Variants in RASEF observed in about 807,000 individuals in gnomAD.
The protein encoded by RASEF is RAS and EF-hand domain containing, also known as ras and EF-hand domain-containing protein.
Under a neutral mutation model 90.1 loss-of-function variants are expected in RASEF, and 68 were observed. The ratio of observed to expected loss-of-function variants is 0.75; its 90% CI spans 0.62 to 0.92. The LOEUF is 0.92. RASEF is among the 40% of genes least tolerant of loss of function. The pLI, the probability that RASEF is intolerant of heterozygous loss-of-function variation, is 0.00. For missense variants in RASEF, 949 were observed against 937.2 expected (o/e 1.01, Z -0.16); for synonymous variants, 331 against 345.2 (o/e 0.96, Z 0.46).
chr9:83,006,403 C>A (rs1829131953), intron 7 of RASEF, among the ~76,000 whole-genome samples: 1 of 151,716 alleles, frequency 6.6e-6, no homozygotes, highest in Non-Finnish European at 1.5e-5. Context: ...GAGGTGCTGA[C>A]AAATCTGTTG....
chr9:83,112,963 T>A, the RASEF span, among the ~76,000 whole-genome samples: 1 of 152,300 alleles, frequency 6.6e-6, no homozygotes, highest in Middle Eastern at 3.4e-3. Context: ...GATTCTAATT[T>A]AAAAAATTGT....
At chr9:82,987,323 T>A (rs1280374928) in intron 16 of RASEF, among the ~76,000 whole-genome samples, 1 of 152,194 alleles carries the variant, frequency 6.6e-6, no homozygotes, top group Non-Finnish European at 1.5e-5. Context: ...CAGGCCATAA[T>A]GCAATAACAA....
At chr9:83,118,328 A>C in the RASEF span, among the ~76,000 whole-genome samples, 72 of 152,300 alleles carry the variant, frequency 4.7e-4, no homozygotes, top group African/African-American at 1.7e-3. Context: ...CTTTATACCC[A>C]AAACTTGCAG....
intron 16 of RASEF, among the ~76,000 whole-genome samples, chr9:82,989,244 G>GTGTGTA (rs1828769724): frequency 1.3e-5 from 2 of 152,052 alleles, no homozygotes; most frequent in Non-Finnish European, 2.9e-5. Context: ...GTGTGTGTGT[G>GTGTGTA]TATATCTTTT....
At chr9:83,108,299 G>GAT in the RASEF span, among the ~76,000 whole-genome samples, 1 of 152,088 alleles carries the variant, frequency 6.6e-6, no homozygotes, top group Non-Finnish European at 1.5e-5. Flanking sequence ...CTATATAAAA[G>GAT]GGAAAACTTG....
the RASEF span, among the ~76,000 whole-genome samples, chr9:83,126,482 T>C: frequency 6.6e-6 from 1 of 152,154 alleles, no homozygotes; most frequent in Non-Finnish European, 1.5e-5. Context: ...CCAAGCAGAC[T>C]CAGAAATCTA....
At chr9:83,018,562 T>C (rs1183346368) in intron 3 of RASEF, among the ~76,000 whole-genome samples, 1 of 152,114 alleles carries the variant, frequency 6.6e-6, no homozygotes, top group African/African-American at 2.4e-5. Flanking sequence ...TAGTTTTTGT[T>C]TGCTTTTTTT....
chr9:83,029,931 A>C (rs1829615802), intron 1 of RASEF, among the ~76,000 whole-genome samples: 1 of 152,192 alleles, frequency 6.6e-6, no homozygotes, highest in Non-Finnish European at 1.5e-5. Context: ...TGAAAGAAAA[A>C]TCTCTACTCT....
chr9:83,076,694 C>T, the RASEF span, among the ~76,000 whole-genome samples: 1 of 152,000 alleles, frequency 6.6e-6, no homozygotes, highest in Non-Finnish European at 1.5e-5. Context: ...CCCAGAGTGC[C>T]CTATAGAAGT....
chr9:82,985,158 G>A (rs917711875), intron 16 of RASEF, among the ~76,000 whole-genome samples: 1 of 152,142 alleles, frequency 6.6e-6, no homozygotes, highest in African/African-American at 2.4e-5. Flanking sequence ...GTATTAGTTC[G>A]TTTTCACGCT....
intron 1 of RASEF, among the ~76,000 whole-genome samples, chr9:83,060,981 C>T (rs960773532): frequency 6.6e-5 from 10 of 152,148 alleles, no homozygotes; most frequent in African/African-American, 2.2e-4. Flanking sequence ...ATATTTGTTG[C>T]TGAGACTAGA....
At chr9:83,033,569 A>G (rs995655757) in intron 1 of RASEF, among the ~76,000 whole-genome samples, 1 of 152,226 alleles carries the variant, frequency 6.6e-6, no homozygotes, top group African/African-American at 2.4e-5. Flanking sequence ...CCGAAAGCGC[A>G]CTGAAGGGGG....
At position 83,049,499 on chromosome 9, in the gene RASEF, G is replaced by A. The variant is rs79813403; in HGVS notation, c.431+12938C>T. 5.0e-3 allele frequency among the ~76,000 whole-genome samples: 733 copies of A among 146,460 alleles called. 11 individuals are homozygous for A. Among genetic ancestry groups the A allele is most frequent in the African/African-American group, 0.018 (695 of 39,106 alleles). ...CACCTTCAGATTATGTGAACACATG[G>A]CTCAATGCACAGCCCACCTTTCTGC... On this transcript the variant is annotated intron_variant, in intron 1 of 16. Coordinates refer to ENST00000376447, the MANE Select transcript of RASEF (RefSeq NM_152573.4).
chr9:83,096,629 T>C, the RASEF span, among the ~76,000 whole-genome samples: 2 of 150,690 alleles, frequency 1.3e-5, no homozygotes, highest in Non-Finnish European at 3.0e-5. Flanking sequence ...CTTGTTTTCT[T>C]TTTTTTTTTC....
the RASEF span, among the ~76,000 whole-genome samples, chr9:83,074,466 A>T: frequency 2.0e-5 from 3 of 152,180 alleles, no homozygotes; most frequent in Middle Eastern, 3.2e-3. Flanking sequence ...AAAGGAAAGG[A>T]TGTTGGCCCT....
intron 3 of RASEF, among the ~76,000 whole-genome samples, chr9:83,021,419 C>T (rs1392604394): frequency 1.3e-5 from 2 of 152,300 alleles, no homozygotes; most frequent in African/African-American, 4.8e-5. Context: ...AAGTTTTAAC[C>T]TAGCATTGTC....
At chr9:83,086,543 C>T in the RASEF span, among the ~76,000 whole-genome samples, 4 of 152,288 alleles carry the variant, frequency 2.6e-5, no homozygotes, top group East Asian at 5.8e-4. Flanking sequence ...AGTTTGGGTT[C>T]AGCTTAACTG....
intron 15 of RASEF, among the ~76,000 whole-genome samples, chr9:82,991,885 T>A (rs1353907486): frequency 6.6e-6 from 1 of 152,230 alleles, no homozygotes; most frequent in Admixed American, 6.5e-5. Context: ...TTCATGAGTT[T>A]AACATCTGTC....
chr9:83,161,206 T>C, the RASEF span, among the ~76,000 whole-genome samples: 17 of 152,266 alleles, frequency 1.1e-4, no homozygotes, highest in African/African-American at 3.8e-4. Flanking sequence ...TTTGCACTAA[T>C]TTTCTGGAAA....
Sources: allele counts gnomAD v4.1 joint callset (sites outside exome capture counted in the v4.1 genomes callset), GRCh38; gene constraint gnomAD v4.1.1; transcripts MANE v1.5; gene names NCBI Gene and HGNC (gene_info 2026-07-23, HGNC 2026-07-21).